LOC400499: variants seen among roughly 807,000 people sequenced by gnomAD.
At chr16:11,394,015 G>A in the LOC400499 span, among the ~76,000 whole-genome samples, 1 of 152,202 alleles carries the variant, frequency 6.6e-6, no homozygotes, top group East Asian at 1.9e-4. Context: ...CCCACAGGGT[G>A]GCTTAGAGAT....
At chr16:11,460,065 C>T in the LOC400499 span, 3 of 1,389,082 alleles carry the variant, frequency 2.2e-6, no homozygotes, top group African/African-American at 2.9e-5. Context: ...CTGGGACACA[C>T]ATGGGTGGTG....
chr16:11,502,148 C>CCCAG, the LOC400499 span: 1 of 399,144 alleles, frequency 2.5e-6, no homozygotes, highest in Non-Finnish European at 4.4e-6. Context: ...GGCCCTGGAG[C>CCCAG]TGGGACACCA....
chr16:11,490,090 C>T, the LOC400499 span, among the ~76,000 whole-genome samples: 1 of 152,202 alleles, frequency 6.6e-6, no homozygotes, highest in South Asian at 2.1e-4. Flanking sequence ...CCTAGACATG[C>T]TAAAGACAAA....
At chr16:11,384,711 G>A in the LOC400499 span, among the ~76,000 whole-genome samples, 1 of 152,216 alleles carries the variant, frequency 6.6e-6, no homozygotes, top group Non-Finnish European at 1.5e-5. Context: ...ATCTGGACAT[G>A]GGGTCAATGG....
chr16:11,460,025 G>A, the LOC400499 span: 4 of 1,478,532 alleles, frequency 2.7e-6, no homozygotes, highest in African/African-American at 4.2e-5. Context: ...AGTGCAGGTG[G>A]CCCGAGTCCT....
the LOC400499 span, chr16:11,440,755 C>G: frequency 2.5e-6 from 1 of 398,954 alleles, no homozygotes; most frequent in Non-Finnish European, 4.4e-6. Flanking sequence ...GACGGCAGCT[C>G]GTGCATCCAT....
At chr16:11,503,665 C>T in the LOC400499 span, among the ~76,000 whole-genome samples, 1 of 152,252 alleles carries the variant, frequency 6.6e-6, no homozygotes, top group Non-Finnish European at 1.5e-5. Context: ...GCCTGCAAAA[C>T]AGGCCCTCAC....
the LOC400499 span, among the ~76,000 whole-genome samples, chr16:11,389,846 G>A: frequency 6.6e-6 from 1 of 152,188 alleles, no homozygotes; most frequent in Non-Finnish European, 1.5e-5. Flanking sequence ...GTAAAAGTGA[G>A]CTTCCTGAAG....
the LOC400499 span, among the ~76,000 whole-genome samples, chr16:11,495,212 A>G: frequency 2.4e-5 from 3 of 125,676 alleles, no homozygotes; most frequent in African/African-American, 9.0e-5. Context: ...CTGTCTCCAA[A>G]AAAAAAAAAA....
At chr16:11,449,127 G>C in the LOC400499 span, 1 of 1,423,312 alleles carries the variant, frequency 7.0e-7, no homozygotes, top group South Asian at 1.4e-5. Context: ...GGTGAGGAGG[G>C]GGACCAAGGC....
At chr16:11,438,607 C>CAA in the LOC400499 span, among the ~76,000 whole-genome samples, 2,038 of 59,696 alleles carry the variant, frequency 0.034, 115 homozygotes, top group African/African-American at 0.094. Flanking sequence ...CCTGTCTCTG[C>CAA]AAAAAAAAAA....
chr16:11,415,095 G>A, the LOC400499 span, among the ~76,000 whole-genome samples: 7 of 152,144 alleles, frequency 4.6e-5, no homozygotes, highest in East Asian at 1.9e-4. Context: ...TCAGCATGAC[G>A]TCTGCTCCCC....
chr16:11,387,573 C>T, the LOC400499 span, among the ~76,000 whole-genome samples: 3 of 152,102 alleles, frequency 2.0e-5, no homozygotes, highest in Non-Finnish European at 4.4e-5. Flanking sequence ...CTCTGCTCCC[C>T]GGGTCTTGGG....
chr16:11,400,153 C>T, the LOC400499 span, among the ~76,000 whole-genome samples: 17 of 152,034 alleles, frequency 1.1e-4, no homozygotes, highest in Admixed American at 1.1e-3. Context: ...CCAGGGCCAG[C>T]ATGATCTGTC....
At chr16:11,493,314 G>C in the LOC400499 span, among the ~76,000 whole-genome samples, 1 of 152,236 alleles carries the variant, frequency 6.6e-6, no homozygotes, top group Non-Finnish European at 1.5e-5. Context: ...ACCTAAGTGA[G>C]TGGGCATGCC....
the LOC400499 span, among the ~76,000 whole-genome samples, chr16:11,379,993 T>C: frequency 0.092 from 14,065 of 152,226 alleles, 832 homozygotes; most frequent in Middle Eastern, 0.18. Context: ...GGTCTCACTC[T>C]GTCACCCAGG....
At chr16:11,374,262 T>G in the LOC400499 span, among the ~76,000 whole-genome samples, 2 of 152,324 alleles carry the variant, frequency 1.3e-5, no homozygotes, top group South Asian at 4.1e-4. Flanking sequence ...ATGGTGTTCA[T>G]AGGTAAAATG....
chr16:11,464,077 T>C, the LOC400499 span, among the ~76,000 whole-genome samples: 1 of 152,254 alleles, frequency 6.6e-6, no homozygotes, highest in Non-Finnish European at 1.5e-5. Flanking sequence ...CAGATATGTG[T>C]GTATATACGA....
the LOC400499 span, chr16:11,440,851 G>A: frequency 2.3e-3 from 919 of 399,086 alleles, 4 homozygotes; most frequent in African/African-American, 0.018. Flanking sequence ...CAGCTGGGAA[G>A]AAATAGACAA....
Sources: gnomAD v4.1 joint callset for allele counts (sites outside exome capture counted in the v4.1 genomes callset) on GRCh38, gnomAD v4.1.1 for gene constraint, MANE v1.5 for transcripts.